Variants in RSU1 observed in about 807,000 individuals in gnomAD.
The protein encoded by RSU1 is rsu-1.
Under a neutral mutation model 31.1 loss-of-function variants are expected in RSU1, and 26 were observed. The ratio of observed to expected loss-of-function variants is 0.84; its 90% CI spans 0.61 to 1.16. The LOEUF (loss-of-function observed/expected upper bound fraction) is 1.16. RSU1 is among the 50% of genes most tolerant of loss of function. RSU1 has a pLI of 0.00. For missense variants in RSU1, 320 were observed against 339.1 expected, an observed-to-expected ratio of 0.94 and a Z score of 0.44; for synonymous variants, 164 against 136.3, an observed-to-expected ratio of 1.20 and a Z score of -1.41.
chr10:16,739,622 T>C (rs1268756857), intron 7 of RSU1, among the ~76,000 whole-genome samples: 1 of 151,694 alleles, frequency 6.6e-6, no homozygotes, highest in African/African-American at 2.4e-5. Context: ...ACATTTTCTT[T>C]CTTTCTTTCT....
chr10:16,722,976 A>G (rs923730861), intron 7 of RSU1: 1 of 150,726 alleles, frequency 6.6e-6, no homozygotes, highest in East Asian at 1.9e-4. Flanking sequence ...ATATATGTAT[A>G]TATACACACA....
At chr10:16,741,741 A>G (rs1836757571) in intron 7 of RSU1, among the ~76,000 whole-genome samples, 2 of 152,182 alleles carry the variant, frequency 1.3e-5, no homozygotes, top group Admixed American at 6.5e-5. Flanking sequence ...CACCTTGACT[A>G]CGGGGTGAAG....
rs1253265051 is a variant in RSU1, at chr10:16,592,463, GTGGTGTA to G, written c.*924_*930del. 6.6e-6 allele frequency: 1 copy of G among 152,170 alleles called. No homozygotes were observed. Among genetic ancestry groups the G allele is most frequent in the Non-Finnish European group, 1.5e-5 (1 of 68,034 alleles). The allele number at this position is 152,170 out of a possible 1,614,324, so 9.4% of individuals were successfully genotyped here. A position where few individuals can be genotyped will look rare whatever the true frequency, so the allele number is the denominator to read the frequency against. ...TGCAACTGTGGTTTCCACCCTGGGT[GTGGTGTA>G]GCGCGTGCACATTTACACAACTTCC... is the stretch of plus-strand genomic sequence containing the variant. On this transcript the variant is annotated 3_prime_UTR_variant, in exon 9 of 9. Coordinates refer to ENST00000345264, the MANE Select transcript of RSU1 (RefSeq NM_012425.4).
At chr10:16,809,371 A>G (rs1486786090) in intron 2 of RSU1, among the ~76,000 whole-genome samples, 1 of 152,206 alleles carries the variant, frequency 6.6e-6, no homozygotes, top group East Asian at 1.9e-4. Flanking sequence ...ATAAAATGCC[A>G]TTAAGACTCC....
At chr10:16,699,164 G>A (rs575252116) in intron 7 of RSU1, among the ~76,000 whole-genome samples, 19 of 152,190 alleles carry the variant, frequency 1.2e-4, no homozygotes, top group African/African-American at 3.1e-4. Context: ...CCGCGCGAGC[G>A]AAACAGAGCA....
chr10:16,708,348 G>C (rs1052925036), intron 7 of RSU1, among the ~76,000 whole-genome samples: 1 of 152,078 alleles, frequency 6.6e-6, no homozygotes, highest in African/African-American at 2.4e-5. Context: ...GTATTATAAA[G>C]GTCTTCATCC....
In RSU1 at chr10:16,592,227, C is replaced by A. The variant is rs1833518434; in HGVS notation, c.*1167G>T. 1 of 152,152 alleles carries A rather than the reference C, an allele frequency of 6.6e-6. No homozygotes were observed. Among genetic ancestry groups the A allele is most frequent in the South Asian group, 2.1e-4 (1 of 4,812 alleles). 9.4% of individuals were successfully genotyped at this position (152,152 alleles called of 1,614,324 possible). Reference sequence around the variant, plus strand: ...CAGCAGAGAAGGGCAGGCCCCCTCTCCCAGGCCATTTGACTCTCCCAGGCC... The same window carrying A: ...CAGCAGAGAAGGGCAGGCCCCCTCTACCAGGCCATTTGACTCTCCCAGGCC... On this transcript the variant is annotated 3_prime_UTR_variant, in exon 9 of 9. Transcript: ENST00000345264.
chr10:16,788,836 T>C lies in RSU1; in HGVS notation c.110-6752A>G, dbSNP rs543143423. Among the ~76,000 whole-genome samples, 18 of 152,342 alleles carry C rather than the reference T, an allele frequency of 1.2e-4. No homozygotes were observed. In the South Asian group the frequency reaches 1.2e-3, roughly 11 times the overall value. On this transcript the variant is annotated intron_variant, in intron 2 of 8. Transcript: ENST00000345264. ...ATTCAGTAACACAGTGATGCCTAGC[T>C]ACAAGGCTGGCTTCTGGGTGACCAC...
intron 2 of RSU1, among the ~76,000 whole-genome samples, chr10:16,805,442 AG>A (rs987377511): frequency 6.6e-6 from 1 of 151,798 alleles, no homozygotes; most frequent in Admixed American, 6.6e-5. Flanking sequence ...GAGGCCGAGG[AG>A]GGTGGATCAC....
intron 8 of RSU1, among the ~76,000 whole-genome samples, chr10:16,631,511 C>T (rs1055660320): frequency 6.6e-6 from 1 of 152,198 alleles, no homozygotes; most frequent in African/African-American, 2.4e-5. Flanking sequence ...GGAGGAGGAT[C>T]CCTGTACTGT....
intron 2 of RSU1, among the ~76,000 whole-genome samples, chr10:16,792,380 G>A (rs981162503): frequency 4.6e-5 from 7 of 152,048 alleles, no homozygotes; most frequent in South Asian, 4.2e-4. Flanking sequence ...CTACAGGCAC[G>A]CACCACCACA....
chr10:16,793,910 G>C (rs554465932), intron 2 of RSU1, among the ~76,000 whole-genome samples: 1 of 151,698 alleles, frequency 6.6e-6, no homozygotes, highest in Non-Finnish European at 1.5e-5. Flanking sequence ...GGTGTTTCCA[G>C]AAGAGATTAG....
intron 8 of RSU1, among the ~76,000 whole-genome samples, chr10:16,661,486 C>T (rs1834890571): frequency 6.6e-6 from 1 of 152,166 alleles, no homozygotes; most frequent in Non-Finnish European, 1.5e-5. Flanking sequence ...AATGTAGTTT[C>T]CATGACCTGG....
chr10:16,744,143 AAAG>A (rs1836803085), intron 7 of RSU1, among the ~76,000 whole-genome samples: 2 of 151,996 alleles, frequency 1.3e-5, no homozygotes, highest in African/African-American at 4.8e-5. Flanking sequence ...AAAAAAAAAA[AAAG>A]AAAGAAAGAA....
intron 2 of RSU1, among the ~76,000 whole-genome samples, chr10:16,816,251 G>A (rs961775297): frequency 9.2e-5 from 14 of 152,234 alleles, no homozygotes; most frequent in African/African-American, 3.4e-4. Context: ...ATGTGTCTGA[G>A]TAGCAGGTGC....
At chr10:16,708,657 AG>A (rs1835954832) in intron 7 of RSU1, among the ~76,000 whole-genome samples, 1 of 152,110 alleles carries the variant, frequency 6.6e-6, no homozygotes, top group Non-Finnish European at 1.5e-5. Context: ...TCAAATCTGT[AG>A]ATTATTTTAG....
At chr10:16,698,834 C>G (rs771623791) in intron 7 of RSU1, among the ~76,000 whole-genome samples, 2 of 152,320 alleles carry the variant, frequency 1.3e-5, no homozygotes, top group East Asian at 3.9e-4. Context: ...TATATCACTT[C>G]CAACCCATCT....
chr10:16,599,553 C>G lies in RSU1; in HGVS notation c.732-6057G>C, dbSNP rs1215083395. Among the ~76,000 whole-genome samples, 3 of 152,204 alleles carry G rather than the reference C, an allele frequency of 2.0e-5. No individual in the cohort carries two copies. The East Asian group carries it at 5.8e-4, about 29-fold the overall frequency. ...TACTCAGCCCTGAACGATGTGTGCC[C>G]TGGGGAACCTCCCTCACCTCCCACA... On this transcript the variant is annotated intron_variant, in intron 8 of 8. Transcript: ENST00000345264.
In RSU1 at chr10:16,703,707, T is replaced by C. The variant is rs142096887; in HGVS notation, c.599-8552A>G. 4.2e-3 allele frequency among the ~76,000 whole-genome samples: 637 copies of C among 152,332 alleles called. 3 individuals are homozygous for C. Among genetic ancestry groups the C allele is most frequent in the Non-Finnish European group, 6.8e-3 (461 of 68,024 alleles). On this transcript the variant is annotated intron_variant, in intron 7 of 8. Transcript: ENST00000345264. Reference sequence around the variant, plus strand: ...TGAAGGCTGTAAAACTTATACAGCATGATCTTAACTTTTTAAAACACCATA... The same window carrying C: ...TGAAGGCTGTAAAACTTATACAGCACGATCTTAACTTTTTAAAACACCATA...
Sources: allele counts gnomAD v4.1 joint callset (sites outside exome capture counted in the v4.1 genomes callset), GRCh38; gene constraint gnomAD v4.1.1; transcripts MANE v1.5; gene names NCBI Gene and HGNC (gene_info 2026-07-23, HGNC 2026-07-21).